The following GNPTG variants were observed in gnomAD, a reference collection of about 807,000 sequenced individuals.
GNPTG encodes N-acetylglucosamine-1-phosphotransferase subunit gamma.
A neutral mutation model predicts 43.8 loss-of-function variants in GNPTG; 46 were observed. The ratio of observed to expected loss-of-function variants is 1.05; its 90% CI spans 0.83 to 1.34. GNPTG has a LOEUF of 1.34. Ranked by LOEUF, GNPTG falls within the 40% of genes most tolerant of loss-of-function variation. The probability of loss-of-function intolerance (pLI) is 0.00; values close to 1 mark genes in which losing one functional copy is unlikely to be tolerated. For synonymous variants in GNPTG, 250 were observed against 172.8 expected (o/e 1.45, Z -3.50); for missense variants, 549 against 411.3 (o/e 1.33, Z -2.90).
In GNPTG at chr16:1,351,988, T is replaced by G. The variant is rs928528974; in HGVS notation, c.23T>G (p.Leu8Arg). The change falls in exon 1 of 11, where the codon CTC (leucine) becomes CGC (arginine). Residue 8 changes from leucine (L) to arginine (R), a missense_variant. Leu to Arg is a moderately radical substitution (Grantham distance 102, BLOSUM62 -2). Transcript: ENST00000204679. ...GCGATGGCGGCGGGGCTGGCGCGGC[T>G]CCTGTTGCTCCTCGGGCTCTCGGCC... MAAGLAR[L>R]LLLLGLSAGG... is the part of the protein sequence containing the mutation. 7.1e-7 allele frequency: 1 copy of G among 1,407,750 alleles called. No homozygotes were observed. Among genetic ancestry groups the G allele is most frequent in the Non-Finnish European group, 9.2e-7 (1 of 1,083,198 alleles). The allele number at this position is 1,407,750 out of a possible 1,614,324, so 87.2% of individuals were successfully genotyped here. A position where few individuals can be genotyped will look rare whatever the true frequency, so the allele number is the denominator to read the frequency against.
chr16:1,362,412 C>G, intron 7 of GNPTG, 40 bp from the exon 8 acceptor site: 3 of 1,611,776 alleles, frequency 1.9e-6, no homozygotes, highest in Non-Finnish European at 2.5e-6. Flanking sequence ...AGGGTTGGGA[C>G]ATGGGGTGCA....
chr16:1,361,977 A>C, intron 5 of GNPTG, 22 bp downstream of exon 5: 1 of 1,613,320 alleles, frequency 6.2e-7, no homozygotes, highest in Non-Finnish European at 8.5e-7. Context: ...CGGGGCAGGG[A>C]TCCCAAAGCA....
rs61739427 is a variant in GNPTG, at chr16:1,363,010, G to A, written c.837G>A (p.Leu279=). The change falls in exon 11 of 11, where the codon TTG becomes TTA. Residue 279 remains leucine, a synonymous_variant. Coordinates refer to ENST00000204679, the MANE Select transcript of GNPTG (RefSeq NM_032520.5). ...GTGTTTTGGCAGAAACTTCCAACTTGGAGCACTTGGGCCACGAGACGCCCA... is the reference window on the plus strand; with the variant it reads ...GTGTTTTGGCAGAAACTTCCAACTTAGAGCACTTGGGCCACGAGACGCCCA... ...PYTRPTETSN[L]EHLGHETPRA... is the part of the protein sequence containing the mutation. 2.3e-5 allele frequency: 37 copies of A among 1,614,068 alleles called. No homozygotes were observed. In the African/African-American group the frequency reaches 4.0e-4, roughly 17 times the overall value.
chr16:1,362,084 T>G lies in GNPTG; in HGVS notation c.364T>G (p.Trp122Gly). 6.2e-7 allele frequency: 1 copy of G among 1,612,090 alleles called. No homozygotes were observed. The highest frequency in any genetic ancestry group is 8.5e-7 in the Non-Finnish European group (1 of 1,179,442). The change falls in exon 6 of 11, where the codon TGG becomes GGG. Residue 122 changes from tryptophan to glycine, a missense_variant. Physicochemically the swap from Trp to Gly is radical, Grantham distance 184 (BLOSUM62 -2). Transcript: ENST00000204679. ...EIANNTFTGM[W>G]MRDGDACRSR... ...CGCCAACAACACCTTCACGGGCATG[T>G]GGATGAGGGACGGTGACGCCTGCCG...
intron 3 of GNPTG, among the ~76,000 whole-genome samples, chr16:1,360,085 C>T (rs984048985): frequency 2.7e-5 from 4 of 150,924 alleles, no homozygotes; most frequent in South Asian, 2.1e-4. Context: ...TCCAGCCTGG[C>T]GACAATGCTA....
intron 2 of GNPTG, 37 bp from the exon 3 acceptor site, chr16:1,352,202 C>A (rs764689491): frequency 1.3e-6 from 2 of 1,552,574 alleles, no homozygotes; most frequent in African/African-American, 2.7e-5. Flanking sequence ...GGGGACGGCC[C>A]GGGCCCGTTC....
Position 1,363,061 on chromosome 16 carries a change from GGGTGA to G in GNPTG, c.889_893del (p.Gly297ProfsTer29). ...GAGCCAAGTCTCCAGAGCAGCTGCG[GGGTGA>G]CCCAGGACTGCGTGGGAGTTTGTGA... On this transcript the variant is annotated frameshift_variant, in exon 11 of 11. Transcript: ENST00000204679. LOFTEE classifies it high-confidence loss of function. 3.7e-6 allele frequency: 6 copies of G among 1,614,024 alleles called. No homozygotes were observed. The South Asian group carries it at 6.6e-5, about 18-fold the overall frequency.
At chr16:1,361,841 C>G in intron 4 of GNPTG, 31 bp from the exon 5 acceptor site, 1 of 1,613,694 alleles carries the variant, frequency 6.2e-7, no homozygotes, top group Admixed American at 1.7e-5. Flanking sequence ...GCGCAGCCTG[C>G]GGACCCCCCT....
intron 3 of GNPTG, chr16:1,357,680 ATTT>A (rs1369383542): frequency 6.5e-6 from 1 of 153,602 alleles, no homozygotes; most frequent in African/African-American, 2.4e-5. Context: ...TGCCCGGCTA[ATTT>A]TTTGTGTTTT....
rs372832123 is a variant in GNPTG, at chr16:1,362,751, T to C, written c.741+9T>C. The stretch of plus-strand genomic sequence containing the variant: ...TGGAAAACTGCAGGAAGGTACCGTA[T>C]TGGGGGGAGGTGGTGGCACGCAGTA... On this transcript the variant is annotated intron_variant, in intron 9 of 10. Coordinates refer to ENST00000204679, the MANE Select transcript of GNPTG (RefSeq NM_032520.5). 75 of 1,614,030 alleles carry C rather than the reference T, an allele frequency of 4.6e-5. No homozygotes were observed. The South Asian group carries it at 5.5e-4, about 12-fold the overall frequency.
At chr16:1,355,182 G>A (rs1383120730) in intron 3 of GNPTG, among the ~76,000 whole-genome samples, 2 of 151,582 alleles carry the variant, frequency 1.3e-5, no homozygotes, top group South Asian at 2.1e-4. Flanking sequence ...GGTGTGGATC[G>A]TCTCCCGCGT....
In GNPTG at chr16:1,362,540, C is replaced by T. The variant is rs531032942; in HGVS notation, c.609+6C>T. ...ATGAGCTGATCACCCCCCAGGTAAG[C>T]GTGCGCTCGGGGTGGCCCCTGGTGG... On this transcript the variant is annotated splice_donor_region_variant and intron_variant, in intron 8 of 10. Transcript: ENST00000204679. 1.1e-5 allele frequency: 17 copies of T among 1,614,006 alleles called. No individual in the cohort carries two copies. Among genetic ancestry groups the T allele is most frequent in the Middle Eastern group, 1.6e-4 (1 of 6,084 alleles).
At chr16:1,354,444 G>T (rs1389214050) in intron 3 of GNPTG, among the ~76,000 whole-genome samples, 1 of 151,816 alleles carries the variant, frequency 6.6e-6, no homozygotes, top group East Asian at 1.9e-4. Flanking sequence ...AAGTTAGCCG[G>T]GCATAGTGGT....
intron 3 of GNPTG, among the ~76,000 whole-genome samples, chr16:1,354,997 G>A (rs1023449521): frequency 3.9e-5 from 6 of 151,934 alleles, no homozygotes; most frequent in Admixed American, 1.3e-4. Flanking sequence ...ATACTCCCCC[G>A]CATCTGCGGG....
In GNPTG at chr16:1,362,818, T is replaced by C; in HGVS notation, c.742-7T>C. 6.2e-7 allele frequency: 1 copy of C among 1,613,908 alleles called. No individual in the cohort carries two copies. Among genetic ancestry groups the C allele is most frequent in the Non-Finnish European group, 8.5e-7 (1 of 1,179,992 alleles). ...GCTTTCCCTTGAACTCTTTTTGTGG[T>C]TGGTAGGCTCATAAAGAACTCTCAA... On this transcript the variant is annotated splice_polypyrimidine_tract_variant and splice_region_variant and intron_variant, in intron 9 of 10. Transcript: ENST00000204679.
chr16:1,353,985 G>C (rs1477423888), intron 3 of GNPTG, among the ~76,000 whole-genome samples: 3 of 152,188 alleles, frequency 2.0e-5, no homozygotes, highest in Non-Finnish European at 4.4e-5. Context: ...GGATCAGATG[G>C]TGCCGCACCG....
At chr16:1,359,347 A>G (rs889898191) in intron 3 of GNPTG, among the ~76,000 whole-genome samples, 1 of 148,222 alleles carries the variant, frequency 6.7e-6, no homozygotes, top group Non-Finnish European at 1.5e-5. Context: ...GCTCACGGCA[A>G]CCTCTCCACC....
chr16:1,362,212 C>T lies in GNPTG; in HGVS notation c.418C>T (p.Leu140=). 1.2e-6 allele frequency: 2 copies of T among 1,613,594 alleles called. No individual in the cohort carries two copies. Reference sequence around the variant, plus strand: ...ACCCACGTTCCCTCCCCAGGTGGAGCTGGCGTGTGGAAAAAGCAACCGGCT... The same window carrying T: ...ACCCACGTTCCCTCCCCAGGTGGAGTTGGCGTGTGGAAAAAGCAACCGGCT... ...RSRSRQSKVE[L]ACGKSNRLAH... Residue 140 remains leucine, a synonymous_variant, in exon 7 of 11, where the codon CTG becomes TTG. Transcript: ENST00000204679.
In GNPTG at chr16:1,361,880, A is replaced by C. The variant is rs779778381; in HGVS notation, c.242A>C (p.Tyr81Ser). The C allele has an allele frequency of 1.2e-6, 2 of 1,613,578 alleles. No individual in the cohort carries two copies. The highest frequency in any genetic ancestry group is 1.3e-5 in the African/African-American group (1 of 74,936). The change falls in exon 5 of 11, where the codon TAT becomes TCT. Residue 81 changes from tyrosine (Y) to serine (S), a missense_variant. Tyr to Ser is a moderately radical substitution (Grantham distance 144). Transcript: ENST00000204679. ...CFSLVESTYK[Y>S]EFCPFHNVTQ... ...GCCATCTGTGTCCCCAGGTACAAGT[A>C]TGAGTTCTGCCCGTTCCACAACGTG...
Sources: gnomAD v4.1 joint callset for allele counts (sites outside exome capture counted in the v4.1 genomes callset) on GRCh38, gnomAD v4.1.1 for gene constraint, MANE v1.5 for transcripts, NCBI Gene and HGNC (gene_info 2026-07-23, HGNC 2026-07-21) for gene names.